The following ST6GAL1 variants were observed in gnomAD, a reference collection of about 807,000 sequenced individuals.
ST6GAL1 encodes beta-galactoside alpha-2,6-sialyltransferase 1.
A neutral mutation model predicts 38.0 loss-of-function variants in ST6GAL1; 20 were observed. That is an observed-to-expected ratio of 0.53 (90% CI 0.37 to 0.77). The LOEUF (loss-of-function observed/expected upper bound fraction) is 0.77, where lower values mean the gene tolerates loss of function less well. Ranked by LOEUF, ST6GAL1 falls within the 30% of genes least tolerant of loss-of-function variation. ST6GAL1 has a pLI of 0.00. For missense variants in ST6GAL1, 432 were observed against 496.4 expected (o/e 0.87, Z 1.23); for synonymous variants, 196 against 188.2 (o/e 1.04, Z -0.34).
At chr3:187,019,297 T>A (rs1428932863) in intron 2 of ST6GAL1, among the ~76,000 whole-genome samples, 2 of 152,228 alleles carry the variant, frequency 1.3e-5, no homozygotes, top group East Asian at 3.8e-4. Flanking sequence ...AGCTGAATAT[T>A]CTGTTGATGG....
At chr3:186,971,555 A>C (rs1715350938) in intron 2 of ST6GAL1, among the ~76,000 whole-genome samples, 1 of 152,192 alleles carries the variant, frequency 6.6e-6, no homozygotes, top group Non-Finnish European at 1.5e-5. Flanking sequence ...AAGCAAGAAG[A>C]TTTGGTGCTG....
intron 2 of ST6GAL1, among the ~76,000 whole-genome samples, chr3:187,036,553 G>T (rs941202353): frequency 3.3e-5 from 5 of 152,170 alleles, no homozygotes; most frequent in African/African-American, 1.2e-4. Flanking sequence ...ATACACTGTG[G>T]AATAGTACAC....
At chr3:186,996,887 G>C (rs188549964) in intron 2 of ST6GAL1, among the ~76,000 whole-genome samples, 2 of 151,636 alleles carry the variant, frequency 1.3e-5, no homozygotes, top group Admixed American at 6.6e-5. Context: ...TGCTACACTG[G>C]TATCCTGCAC....
chr3:186,948,868 A>G (rs1461714691), intron 1 of ST6GAL1: 1 of 152,362 alleles, frequency 6.6e-6, no homozygotes, highest in Non-Finnish European at 1.5e-5. Context: ...TGGGCCCAGT[A>G]TCCTGCCCAG....
At chr3:187,063,268 G>A (rs1718983621) in intron 5 of ST6GAL1, among the ~76,000 whole-genome samples, 1 of 152,196 alleles carries the variant, frequency 6.6e-6, no homozygotes, top group Non-Finnish European at 1.5e-5. Context: ...GGGAGTCAGA[G>A]GGAAGAAGGT....
chr3:186,984,740 T>TTCTC (rs1560150838), intron 2 of ST6GAL1, among the ~76,000 whole-genome samples: 2 of 63,878 alleles, frequency 3.1e-5, no homozygotes, highest in African/African-American at 5.7e-5. Flanking sequence ...CCTTCCTTCC[T>TTCTC]TCCCTCCCTC....
intron 1 of ST6GAL1, among the ~76,000 whole-genome samples, chr3:186,940,869 G>A (rs1329179867): frequency 6.9e-6 from 1 of 145,926 alleles, no homozygotes; most frequent in Non-Finnish European, 1.5e-5. Flanking sequence ...GGACATTTAT[G>A]TATTCCCATA....
intron 2 of ST6GAL1, among the ~76,000 whole-genome samples, chr3:186,996,836 A>G (rs1716427294): frequency 6.6e-6 from 1 of 151,734 alleles, no homozygotes; most frequent in African/African-American, 2.4e-5. Flanking sequence ...TGGCCACTAC[A>G]TACGTGTCCC....
intron 2 of ST6GAL1, among the ~76,000 whole-genome samples, chr3:186,983,273 C>T (rs755188968): frequency 2.0e-5 from 3 of 152,062 alleles, no homozygotes; most frequent in Admixed American, 6.6e-5. Context: ...GAAATGCTTA[C>T]GGTTTTAAGG....
intron 1 of ST6GAL1, among the ~76,000 whole-genome samples, chr3:186,957,051 C>A (rs1458680689): frequency 4.6e-5 from 7 of 152,056 alleles, no homozygotes; most frequent in Non-Finnish European, 8.8e-5. Flanking sequence ...TAAGAAAGAA[C>A]TTTTGGAAAT....
Position 187,042,951 on chromosome 3 carries a change from G to A in ST6GAL1, c.248G>A (p.Gly83Asp). The change falls in exon 4 of 8, where the codon GGC (glycine) becomes GAC (aspartate). Residue 83 changes from glycine (G) to aspartate (D), a missense_variant. Transcript: ENST00000169298. ...CGCCAGACCCTCGGCAGTCTCAGAG[G>A]CCTAGCCAAGGCCAAACCAGAGGCC... ...RGRQTLGSLR[G>D]LAKAKPEASF... The A allele has an allele frequency of 6.2e-7, 1 of 1,614,168 alleles. No homozygotes were observed. The highest frequency in any genetic ancestry group is 8.5e-7 in the Non-Finnish European group (1 of 1,180,030).
chr3:187,055,386 A>T lies in ST6GAL1; in HGVS notation c.705+4040A>T, dbSNP rs184532213. Among the ~76,000 whole-genome samples the T allele has an allele frequency of 4.7e-4, 71 of 151,918 alleles. 1 individual carries two copies. In the East Asian group the frequency reaches 0.012, roughly 25 times the overall value. Reference sequence around the variant, plus strand: ...TTACTCTTGCTTCTCTAGTTCTTTTAATTGTGATGTTAGGGTGTTGATTTT... The same window carrying T: ...TTACTCTTGCTTCTCTAGTTCTTTTTATTGTGATGTTAGGGTGTTGATTTT... On this transcript the variant is annotated intron_variant, in intron 5 of 7. Transcript: ENST00000169298.
intron 2 of ST6GAL1, among the ~76,000 whole-genome samples, chr3:187,019,276 G>A (rs1717216405): frequency 6.6e-6 from 1 of 152,156 alleles, no homozygotes; most frequent in African/African-American, 2.4e-5. Flanking sequence ...GAGGAGATAT[G>A]AAAAATCTAT....
intron 2 of ST6GAL1, among the ~76,000 whole-genome samples, chr3:186,981,210 G>A (rs972264411): frequency 2.6e-5 from 4 of 152,248 alleles, no homozygotes; most frequent in African/African-American, 9.6e-5. Flanking sequence ...CTGCCGCAGT[G>A]AGGACAGTGA....
At chr3:187,054,504 A>C (rs1430592556) in intron 5 of ST6GAL1, among the ~76,000 whole-genome samples, 1 of 152,218 alleles carries the variant, frequency 6.6e-6, no homozygotes, top group African/African-American at 2.4e-5. Flanking sequence ...AGTTTTTAGC[A>C]TGAAGGGCTG....
Position 186,941,291 on chromosome 3 carries a change from G to A in ST6GAL1, c.-325+10457G>A, listed in dbSNP as rs369462942. On this transcript the variant is annotated intron_variant, in intron 1 of 7. Transcript: ENST00000169298. ...CTGAAGAAAAGGAGTGTTTGATCTC[G>A]GGCTCTGGAGGAGGAATTGTTACAG... is the stretch of plus-strand genomic sequence containing the variant. Among the ~76,000 whole-genome samples, 14 of 152,184 alleles carry A rather than the reference G, an allele frequency of 9.2e-5. No homozygotes were observed. In the East Asian group the frequency reaches 2.1e-3, roughly 23 times the overall value.
chr3:187,039,767 T>C (rs1368712677), intron 3 of ST6GAL1, among the ~76,000 whole-genome samples: 1 of 152,240 alleles, frequency 6.6e-6, no homozygotes, highest in Non-Finnish European at 1.5e-5. Flanking sequence ...AGAAAGGGTC[T>C]TGCAGTTATA....
chr3:186,965,526 A>T (rs1483088003), intron 2 of ST6GAL1, among the ~76,000 whole-genome samples: 1 of 152,190 alleles, frequency 6.6e-6, no homozygotes, highest in Non-Finnish European at 1.5e-5. Context: ...GTAGAATTGT[A>T]GGTTCAGAAA....
At chr3:187,010,424 C>T (rs1716917894) in intron 2 of ST6GAL1, among the ~76,000 whole-genome samples, 1 of 152,284 alleles carries the variant, frequency 6.6e-6, no homozygotes. Flanking sequence ...TTGGTTCCCA[C>T]CCGTTTAGGG....
Sources: gnomAD v4.1 joint callset for allele counts (sites outside exome capture counted in the v4.1 genomes callset) on GRCh38, gnomAD v4.1.1 for gene constraint, MANE v1.5 for transcripts, NCBI Gene and HGNC (gene_info 2026-07-23, HGNC 2026-07-21) for gene names.